CP: variants seen among roughly 807,000 people sequenced by gnomAD.
The protein encoded by CP is ceruloplasmin, also known as caeruloplasmin.
In CP, 64 loss-of-function variants were observed where a neutral mutation model predicts 122.4. That is an observed-to-expected ratio of 0.52 (90% CI 0.43 to 0.64). The LOEUF (loss-of-function observed/expected upper bound fraction) is 0.64, where lower values mean the gene tolerates loss of function less well. CP is among the 30% of genes least tolerant of loss of function. CP has a pLI of 0.00. For synonymous variants in CP, 440 were observed against 436.4 expected (o/e 1.01, Z -0.10); for missense variants, 1,167 against 1,284.4 (o/e 0.91, Z 1.40).
rs755339150 is a variant in CP, at chr3:149,210,216, T to C, written c.558A>G (p.Pro186=). The C allele has an allele frequency of 1.2e-6, 2 of 1,613,960 alleles. No homozygotes were observed. The highest frequency in any genetic ancestry group is 2.7e-5 in the African/African-American group (2 of 74,930). Residue 186 remains proline (P), a synonymous_variant, in exon 3 of 19, where the codon CCA becomes CCG. Transcript: ENST00000264613. ...TRIYHSHIDA[P]KDIASGLIGP... ...CGATGAGTCCTGAGGCAATATCTTT[T>C]GGAGCATCAATGTGGGAATGGTAAA...
chr3:149,216,349 G>A (rs1333003235), intron 1 of CP, among the ~76,000 whole-genome samples: 1 of 152,148 alleles, frequency 6.6e-6, no homozygotes, highest in Non-Finnish European at 1.5e-5. Flanking sequence ...AGTTCAGTGG[G>A]GTCATAGAAT....
At chr3:149,206,988 G>C (rs563302746) in intron 5 of CP, among the ~76,000 whole-genome samples, 2 of 152,248 alleles carry the variant, frequency 1.3e-5, no homozygotes, top group African/African-American at 4.8e-5. Flanking sequence ...GGATGGCCAG[G>C]CTCAAATAAA....
At chr3:149,197,021 C>T (rs1726935522) in intron 9 of CP, among the ~76,000 whole-genome samples, 1 of 152,134 alleles carries the variant, frequency 6.6e-6, no homozygotes, top group African/African-American at 2.4e-5. Flanking sequence ...CCTGGCTCAT[C>T]CTGGCTCAAA....
chr3:149,169,226 C>T (rs377377631), downstream of CP, among the ~76,000 whole-genome samples: 8 of 152,258 alleles, frequency 5.3e-5, no homozygotes, highest in East Asian at 1.2e-3. Flanking sequence ...GAAAGGGAGA[C>T]AGCTGAAGAA....
Position 149,212,305 on chromosome 3 carries a change from A to G in CP, c.394+146T>C, listed in dbSNP as rs1728166467. 3 of 848,810 alleles carry G rather than the reference A, an allele frequency of 3.5e-6. No individual in the cohort carries two copies. In the South Asian group the frequency reaches 6.5e-5, roughly 18 times the overall value. The allele number at this position is 848,810 out of a possible 1,614,324, so 52.6% of individuals were successfully genotyped here. ...CAGCCTGGGTGACAGAAGTCAAAAA[A>G]AATTAAAAAAAAATAAAAAAAAAAT... On this transcript the variant is annotated intron_variant, in intron 2 of 18. Transcript: ENST00000264613.
In CP at chr3:149,167,334, C is replaced by G. The variant is rs1724526494; in HGVS notation, c.587-1284G>C. 3 of 944,740 alleles carry G rather than the reference C, an allele frequency of 3.2e-6. No homozygotes were observed. In the East Asian group the frequency reaches 7.8e-5, roughly 25 times the overall value. 58.5% of individuals were successfully genotyped at this position (944,740 alleles called of 1,614,324 possible). The stretch of plus-strand genomic sequence containing the variant: ...TCCTGCAAAATGGGGACAATTTATG[C>G]TAATCCAACATCATAAGGCTGTGTG... On this transcript the variant is annotated intron_variant, in intron 4 of 5. Coordinates refer to the CP transcript ENST00000479771.
chr3:149,169,457 A>G (rs1422231930), downstream of CP, among the ~76,000 whole-genome samples: 1 of 152,224 alleles, frequency 6.6e-6, no homozygotes, highest in Non-Finnish European at 1.5e-5. Flanking sequence ...GTTGGAGATG[A>G]AGCTCAGGGA....
At chr3:149,183,779 G>A (rs1038865361) in intron 12 of CP, among the ~76,000 whole-genome samples, 174 bp from the exon 13 acceptor site, 1 of 151,964 alleles carries the variant, frequency 6.6e-6, no homozygotes, top group Admixed American at 6.6e-5. Flanking sequence ...AAGTCTGTGT[G>A]GTAGAAAGCA....
chr3:149,200,443 T>A (rs1727224842), intron 7 of CP, among the ~76,000 whole-genome samples: 1 of 152,220 alleles, frequency 6.6e-6, no homozygotes, highest in East Asian at 1.9e-4. Context: ...ATACCAACTT[T>A]AATAACTATT....
chr3:149,186,580 C>G lies in CP; in HGVS notation c.2017G>C (p.Asp673His). 6.2e-7 allele frequency: 1 copy of G among 1,614,188 alleles called. No individual in the cohort carries two copies. The highest frequency in any genetic ancestry group is 8.5e-7 in the Non-Finnish European group (1 of 1,180,030). Residue 673 changes from aspartate (D) to histidine (H), a missense_variant, in exon 11 of 19, where the codon GAC (aspartate) becomes CAC (histidine). Physicochemically the swap from Asp to His is moderately conservative, Grantham distance 81. Transcript: ENST00000264613. ...NTYLWRGERRDTANLFPQTSL... is the reference protein window; with the variant it reads ...NTYLWRGERRHTANLFPQTSL... ...GTTTGAGGGAAGAGGTTTGCTGTGT[C>G]TCTCCGTTCTCCTCTCCACAGATAT... is the stretch of plus-strand genomic sequence containing the variant.
At chr3:149,190,062 A>C (rs1339943996) in intron 9 of CP, among the ~76,000 whole-genome samples, 2 of 152,284 alleles carry the variant, frequency 1.3e-5, no homozygotes, top group East Asian at 3.9e-4. Flanking sequence ...AAAAATTTTA[A>C]AATTAGTTAC....
intron 5 of CP, chr3:149,165,826 C>G (rs1724358069): frequency 3.0e-6 from 1 of 336,920 alleles, no homozygotes; most frequent in East Asian, 8.3e-5. Flanking sequence ...CTATTTTCTC[C>G]CATGTTGGGA....
At chr3:149,164,112 T>A (rs907180106) in intron 5 of CP, among the ~76,000 whole-genome samples, 8 of 152,308 alleles carry the variant, frequency 5.3e-5, no homozygotes, top group African/African-American at 1.7e-4. Flanking sequence ...AATGCCTGCC[T>A]CTGCCTGAAA....
At chr3:149,196,213 T>C (rs1726889633) in intron 9 of CP, among the ~76,000 whole-genome samples, 2 of 152,214 alleles carry the variant, frequency 1.3e-5, no homozygotes, top group African/African-American at 4.8e-5. Context: ...ATCAAATGAA[T>C]ATGTTGGTGT....
At chr3:149,188,557 CAG>C (rs959270395) in intron 9 of CP, among the ~76,000 whole-genome samples, 1 of 125,178 alleles carries the variant, frequency 8.0e-6, no homozygotes, top group Non-Finnish European at 1.6e-5. Flanking sequence ...TGCTGGAAAT[CAG>C]GGAAGATTTC....
At chr3:149,207,174 T>C (rs1250837100) in intron 5 of CP, among the ~76,000 whole-genome samples, 189 bp downstream of exon 5, 1 of 152,190 alleles carries the variant, frequency 6.6e-6, no homozygotes, top group East Asian at 1.9e-4. Flanking sequence ...TATTTTCAAA[T>C]TTCATTACTT....
In CP at chr3:149,217,445, T is replaced by C. The variant is rs140892702; in HGVS notation, c.146+4202A>G. On this transcript the variant is annotated intron_variant, in intron 1 of 18. Coordinates refer to ENST00000264613, the MANE Select transcript of CP (RefSeq NM_000096.4). ...AAACAGTAAAATGAAACTTCGAATC[T>C]GTAACTAGAGACTTTACCAATCAGA... is the stretch of plus-strand genomic sequence containing the variant. 3.6e-3 allele frequency among the ~76,000 whole-genome samples: 544 copies of C among 152,254 alleles called. 6 individuals carry two copies. The highest frequency in any genetic ancestry group is 0.012 in the African/African-American group (517 of 41,548).
At chr3:149,184,297 A>G (rs945441903) in intron 12 of CP, among the ~76,000 whole-genome samples, 1 of 151,880 alleles carries the variant, frequency 6.6e-6, no homozygotes, top group Non-Finnish European at 1.5e-5. Flanking sequence ...GGCCTCCCAA[A>G]GTGCTGGGAT....
At chr3:149,163,909 T>C in intron 5 of CP, 1 of 1,578,090 alleles carries the variant, frequency 6.3e-7, no homozygotes, top group Non-Finnish European at 8.7e-7. Context: ...TCTGATTCTT[T>C]AGCTGATAAA....
Sources: gnomAD v4.1 joint callset for allele counts (sites outside exome capture counted in the v4.1 genomes callset) on GRCh38, gnomAD v4.1.1 for gene constraint, MANE v1.5 for transcripts, NCBI Gene and HGNC (gene_info 2026-07-23, HGNC 2026-07-21) for gene names.